The following NCALD variants were observed in gnomAD, a reference collection of about 807,000 sequenced individuals.
NCALD encodes neurocalcin-delta.
A neutral mutation model predicts 18.6 loss-of-function variants in NCALD; 10 were observed. The observed-to-expected ratio is 0.54, with a 90% confidence interval of 0.33 to 0.91. NCALD has a LOEUF of 0.91. Among genes scored for constraint, NCALD ranks in the 40% least tolerant of loss-of-function variants. NCALD has a pLI of 0.03. For missense variants in NCALD, 184 were observed against 247.6 expected, an observed-to-expected ratio of 0.74 and a Z score of 1.72; for synonymous variants, 88 against 87.4, an observed-to-expected ratio of 1.01 and a Z score of -0.04.
At chr8:101,899,104 A>C (rs966873778) in intron 3 of NCALD, among the ~76,000 whole-genome samples, 1 of 151,852 alleles carries the variant, frequency 6.6e-6, no homozygotes, top group Non-Finnish European at 1.5e-5. Context: ...TAAATCCCAT[A>C]AATGTTTCAT....
chr8:101,925,525 T>C (rs938834955), intron 2 of NCALD, among the ~76,000 whole-genome samples: 2 of 152,180 alleles, frequency 1.3e-5, no homozygotes, highest in African/African-American at 4.8e-5. Context: ...CATTAGCACT[T>C]GGCTCATTAG....
chr8:102,021,421 G>A (rs1822269065), intron 1 of NCALD, among the ~76,000 whole-genome samples: 2 of 152,158 alleles, frequency 1.3e-5, no homozygotes, highest in Non-Finnish European at 2.9e-5. Context: ...ACAATGCTAA[G>A]ACTTAAAATT....
intron 2 of NCALD, among the ~76,000 whole-genome samples, chr8:101,996,111 G>A (rs1212146418): frequency 6.6e-6 from 1 of 152,210 alleles, no homozygotes; most frequent in African/African-American, 2.4e-5. Context: ...ATGGTGCCTG[G>A]TACTAAGCAG....
At chr8:102,041,924 A>T (rs1823063297) in intron 1 of NCALD, among the ~76,000 whole-genome samples, 1 of 152,048 alleles carries the variant, frequency 6.6e-6, no homozygotes, top group South Asian at 2.1e-4. Context: ...CTACTATTAT[A>T]GAGTGGGTTT....
At chr8:101,857,847 TC>T (rs1484184470) in intron 4 of NCALD, among the ~76,000 whole-genome samples, 1 of 152,166 alleles carries the variant, frequency 6.6e-6, no homozygotes, top group African/African-American at 2.4e-5. Context: ...ATATTCCACA[TC>T]CCAGAAAACT....
At chr8:101,810,539 G>C (rs1392699053) in intron 4 of NCALD, among the ~76,000 whole-genome samples, 1 of 152,076 alleles carries the variant, frequency 6.6e-6, no homozygotes, top group Non-Finnish European at 1.5e-5. Flanking sequence ...TTAACATCAG[G>C]AGAATTATGA....
intron 1 of NCALD, among the ~76,000 whole-genome samples, chr8:101,727,940 T>C (rs1423121358): frequency 2.0e-5 from 3 of 152,232 alleles, no homozygotes; most frequent in African/African-American, 7.2e-5. Flanking sequence ...TGTTATTCAG[T>C]AGTTTACACT....
intron 1 of NCALD, among the ~76,000 whole-genome samples, chr8:102,097,981 T>C (rs1825158419): frequency 6.6e-6 from 1 of 152,196 alleles, no homozygotes; most frequent in South Asian, 2.1e-4. Flanking sequence ...ATTCACACAA[T>C]GTGCAAGGCA....
At chr8:101,794,309 T>A (rs1035266167), upstream of NCALD, among the ~76,000 whole-genome samples, 2 of 152,294 alleles carry the variant, frequency 1.3e-5, no homozygotes, top group Middle Eastern at 3.4e-3. Context: ...CCTCAATCCA[T>A]GTTGAATGAC....
intron 2 of NCALD, among the ~76,000 whole-genome samples, chr8:101,931,887 T>A (rs1009107511): frequency 2.0e-5 from 3 of 152,100 alleles, no homozygotes; most frequent in African/African-American, 2.4e-5. Flanking sequence ...ATTAATGGGG[T>A]GTCTCACTCA....
intron 2 of NCALD, among the ~76,000 whole-genome samples, chr8:101,930,960 T>C (rs1283564051): frequency 6.6e-6 from 1 of 152,168 alleles, no homozygotes; most frequent in Non-Finnish European, 1.5e-5. Context: ...ATACAATTCC[T>C]TTTTTGGAGG....
intron 2 of NCALD, among the ~76,000 whole-genome samples, chr8:101,710,954 C>T (rs1264543262): frequency 2.0e-5 from 3 of 152,156 alleles, no homozygotes; most frequent in Admixed American, 6.5e-5. Flanking sequence ...CCCTGACCCC[C>T]GAGGCTCCTG....
In NCALD at chr8:101,801,286, T is replaced by C. The variant is rs578066713; in HGVS notation, c.-19-81638A>G. ...TCTTAATTTAAAACATCTTTCTTGG[T>C]AACTTACACAACCAGCAGAAAAAAG... On this transcript the variant is annotated intron_variant, in intron 4 of 6. Transcript: ENST00000311028. Among the ~76,000 whole-genome samples the C allele has an allele frequency of 2.0e-4, 31 of 152,264 alleles. No homozygotes were observed. In the South Asian group the frequency reaches 5.8e-3, roughly 29 times the overall value.
intron 2 of NCALD, among the ~76,000 whole-genome samples, chr8:101,702,482 A>C (rs561744898): frequency 4.4e-4 from 67 of 152,096 alleles, no homozygotes; most frequent in Non-Finnish European, 7.2e-4. Context: ...TTCCTTCCTC[A>C]GCCTCCCAAA....
intron 1 of NCALD, among the ~76,000 whole-genome samples, chr8:102,062,130 A>T (rs1320419432): frequency 1.3e-5 from 2 of 152,232 alleles, no homozygotes; most frequent in Non-Finnish European, 1.5e-5. Context: ...TTGGCTGGGC[A>T]CAGTGGCTCA....
At chr8:101,740,847 T>G (rs1467332209) in intron 1 of NCALD, among the ~76,000 whole-genome samples, 1 of 152,072 alleles carries the variant, frequency 6.6e-6, no homozygotes, top group African/African-American at 2.4e-5. Context: ...CACACCCCCA[T>G]CCATCCCCCT....
At chr8:102,123,451 G>A (rs1265772945) in intron 1 of NCALD, among the ~76,000 whole-genome samples, 3 of 118,020 alleles carry the variant, frequency 2.5e-5, no homozygotes, top group Non-Finnish European at 3.6e-5. Context: ...GCAAGCATCT[G>A]CAGCATTAGA....
upstream of NCALD, among the ~76,000 whole-genome samples, chr8:101,792,079 A>T (rs10217025): frequency 7.0e-3 from 1,069 of 152,266 alleles, 14 homozygotes; most frequent in African/African-American, 0.024. Flanking sequence ...GCCCAAACAA[A>T]GGACAAGGAG....
intron 2 of NCALD, among the ~76,000 whole-genome samples, chr8:101,710,369 GT>G (rs143899233): frequency 1.3e-5 from 2 of 151,576 alleles, no homozygotes; most frequent in Admixed American, 6.6e-5. Flanking sequence ...AGCTGCAGAT[GT>G]TTTTTTTTGT....
Sources: allele counts gnomAD v4.1 joint callset (sites outside exome capture counted in the v4.1 genomes callset), GRCh38; gene constraint gnomAD v4.1.1; transcripts MANE v1.5; gene names NCBI Gene and HGNC (gene_info 2026-07-23, HGNC 2026-07-21).